The following ABTB3 variants were observed in gnomAD, a reference collection of about 807,000 sequenced individuals.
ABTB3 encodes the protein ankyrin repeat- and BTB/POZ domain-containing protein 3.
the ABTB3 span, among the ~76,000 whole-genome samples, chr12:107,385,995 C>T: frequency 6.6e-6 from 1 of 150,838 alleles, no homozygotes; most frequent in Non-Finnish European, 1.5e-5. Context: ...GTTTCTGGTC[C>T]AGCTCCTGTT....
the ABTB3 span, among the ~76,000 whole-genome samples, chr12:107,573,492 G>A: frequency 6.6e-6 from 1 of 152,068 alleles, no homozygotes; most frequent in Non-Finnish European, 1.5e-5. Flanking sequence ...ATGGATGGAT[G>A]GATGGATGGA....
At chr12:107,442,603 C>T in the ABTB3 span, among the ~76,000 whole-genome samples, 3 of 152,152 alleles carry the variant, frequency 2.0e-5, no homozygotes, top group Non-Finnish European at 4.4e-5. Flanking sequence ...TTTTTCCTTT[C>T]TTTCCCTTCC....
the ABTB3 span, among the ~76,000 whole-genome samples, chr12:107,627,844 C>G: frequency 6.6e-6 from 1 of 152,194 alleles, no homozygotes; most frequent in East Asian, 1.9e-4. Context: ...AAAATACCAT[C>G]GATGCAATTT....
At chr12:107,573,153 C>A in the ABTB3 span, among the ~76,000 whole-genome samples, 1 of 152,164 alleles carries the variant, frequency 6.6e-6, no homozygotes, top group Non-Finnish European at 1.5e-5. Context: ...TTTCATGGTT[C>A]CCAAGTGGTG....
the ABTB3 span, among the ~76,000 whole-genome samples, chr12:107,636,399 T>C: frequency 6.6e-6 from 1 of 152,216 alleles, no homozygotes; most frequent in Non-Finnish European, 1.5e-5. Flanking sequence ...CTAGATAGGT[T>C]GGGGACTTTT....
At chr12:107,321,258 G>A in the ABTB3 span, among the ~76,000 whole-genome samples, 2 of 152,218 alleles carry the variant, frequency 1.3e-5, no homozygotes, top group Non-Finnish European at 2.9e-5. Flanking sequence ...GGAGCACTGC[G>A]GTGGGCGGTG....
the ABTB3 span, chr12:107,318,865 G>C: frequency 6.8e-7 from 1 of 1,463,638 alleles, no homozygotes; most frequent in Non-Finnish European, 9.1e-7. Context: ...CTCTCCCCGC[G>C]CCCCGCGGCA....
chr12:107,382,461 T>A, the ABTB3 span, among the ~76,000 whole-genome samples: 2,188 of 152,290 alleles, frequency 0.014, 47 homozygotes, highest in African/African-American at 0.044. Context: ...TCTCTGTTTG[T>A]CTATTATTGG....
the ABTB3 span, among the ~76,000 whole-genome samples, chr12:107,341,946 G>A: frequency 6.6e-6 from 1 of 152,132 alleles, no homozygotes; most frequent in African/African-American, 2.4e-5. Flanking sequence ...AACTTGCTGA[G>A]GCCTCCCCAG....
At chr12:107,593,910 T>A in the ABTB3 span, among the ~76,000 whole-genome samples, 2 of 152,292 alleles carry the variant, frequency 1.3e-5, no homozygotes, top group East Asian at 1.9e-4. Context: ...TTCCCCTCAC[T>A]TCCTATTGGC....
At chr12:107,425,278 T>C in the ABTB3 span, among the ~76,000 whole-genome samples, 1 of 152,176 alleles carries the variant, frequency 6.6e-6, no homozygotes, top group Non-Finnish European at 1.5e-5. Context: ...TTTTTCAAAA[T>C]TAGCTCAAGA....
At chr12:107,597,593 A>G in the ABTB3 span, among the ~76,000 whole-genome samples, 2 of 152,206 alleles carry the variant, frequency 1.3e-5, no homozygotes, top group African/African-American at 4.8e-5. Flanking sequence ...CCACAATAGC[A>G]ATTAAATTTC....
chr12:107,472,335 A>G, the ABTB3 span, among the ~76,000 whole-genome samples: 1 of 152,132 alleles, frequency 6.6e-6, no homozygotes, highest in Non-Finnish European at 1.5e-5. Context: ...CGGCAAACGG[A>G]ACCGGGGAAG....
the ABTB3 span, among the ~76,000 whole-genome samples, chr12:107,572,807 C>T: frequency 6.6e-6 from 1 of 152,068 alleles, no homozygotes; most frequent in Non-Finnish European, 1.5e-5. Flanking sequence ...TGTTTGCAGG[C>T]AGGGTCAAGG....
the ABTB3 span, among the ~76,000 whole-genome samples, chr12:107,535,212 A>G: frequency 1.3e-5 from 2 of 152,242 alleles, no homozygotes; most frequent in African/African-American, 2.4e-5. Context: ...CAATAGAGGC[A>G]GAAAATGCAT....
chr12:107,544,508 C>T, the ABTB3 span, among the ~76,000 whole-genome samples: 2 of 152,118 alleles, frequency 1.3e-5, no homozygotes. Context: ...TGCCCCAGGG[C>T]CCGGGATAAC....
the ABTB3 span, among the ~76,000 whole-genome samples, chr12:107,402,324 G>A: frequency 6.6e-6 from 1 of 152,178 alleles, no homozygotes; most frequent in Non-Finnish European, 1.5e-5. Context: ...TGTGGGCAAA[G>A]GATGGCCCAG....
the ABTB3 span, chr12:107,614,978 G>A: frequency 2.5e-6 from 3 of 1,183,290 alleles, no homozygotes; most frequent in Non-Finnish European, 3.7e-6. Context: ...TCTAGCCCAT[G>A]TGCCCAGCCA....
chr12:107,622,224 G>T, the ABTB3 span, among the ~76,000 whole-genome samples: 1 of 152,188 alleles, frequency 6.6e-6, no homozygotes, highest in Non-Finnish European at 1.5e-5. Flanking sequence ...ACTGGCCGGG[G>T]GTGGGAGCGG....
Sources: allele counts gnomAD v4.1 joint callset (sites outside exome capture counted in the v4.1 genomes callset), GRCh38; gene constraint gnomAD v4.1.1; transcripts MANE v1.5; gene names NCBI Gene and HGNC (gene_info 2026-07-23, HGNC 2026-07-21).